The following SNCAIP variants were observed in gnomAD, a reference collection of about 807,000 sequenced individuals.
The protein encoded by SNCAIP is synuclein alpha interacting protein, also known as synphilin-1.
SNCAIP carries 43 observed loss-of-function variants against 86.7 expected under a neutral mutation model. The observed-to-expected ratio is 0.50, with a 90% CI of 0.39 to 0.64. The LOEUF is 0.64. Among genes scored for constraint, SNCAIP ranks in the 30% least tolerant of loss-of-function variants. The pLI, the probability that SNCAIP is intolerant of heterozygous loss-of-function variation, is 0.00. For synonymous variants in SNCAIP, 417 were observed against 427.2 expected, an observed-to-expected ratio of 0.98 and a Z score of 0.29; for missense variants, 981 against 1,103.1, an observed-to-expected ratio of 0.89 and a Z score of 1.57.
intron 10 of SNCAIP, among the ~76,000 whole-genome samples, chr5:122,462,858 G>A (rs1305965080): frequency 6.6e-6 from 1 of 152,176 alleles, no homozygotes; most frequent in Admixed American, 6.5e-5. Flanking sequence ...TCATGAAAAT[G>A]ATTGCACCTA....
intron 1 of SNCAIP, among the ~76,000 whole-genome samples, chr5:122,373,155 G>T (rs1764597443): frequency 6.6e-6 from 1 of 152,046 alleles, no homozygotes; most frequent in Admixed American, 6.6e-5. Context: ...CACAGTTTTT[G>T]AAAACTGTAT....
chr5:122,346,689 C>T (rs1477169166), intron 1 of SNCAIP, among the ~76,000 whole-genome samples: 1 of 151,722 alleles, frequency 6.6e-6, no homozygotes, highest in Non-Finnish European at 1.5e-5. Flanking sequence ...TCGGTAGACA[C>T]TTAGTATATA....
intron 1 of SNCAIP, among the ~76,000 whole-genome samples, chr5:122,374,839 T>G (rs1315110314): frequency 6.6e-6 from 1 of 152,150 alleles, no homozygotes; most frequent in Non-Finnish European, 1.5e-5. Context: ...AGATAATACT[T>G]CCTAGCTGAA....
chr5:122,312,354 A>T (rs891158341), intron 1 of SNCAIP, 70 bp downstream of exon 1: 2 of 152,230 alleles, frequency 1.3e-5, no homozygotes, highest in Middle Eastern at 3.2e-3. Context: ...AGCCTTTCCA[A>T]GTTTGCACCA....
At chr5:122,376,753 G>C (rs1765404618) in intron 1 of SNCAIP, among the ~76,000 whole-genome samples, 1 of 152,124 alleles carries the variant, frequency 6.6e-6, no homozygotes, top group Non-Finnish European at 1.5e-5. Context: ...GTGGGATTAT[G>C]ATGACAGATG....
intron 1 of SNCAIP, among the ~76,000 whole-genome samples, chr5:122,359,349 T>TTTTATTTATTTA (rs10528513): frequency 0.26 from 37,536 of 141,888 alleles, 5,249 homozygotes; most frequent in Admixed American, 0.31. Context: ...AGATTTTTAT[T>TTTTATTTATTTA]TTTATTTATT....
chr5:122,413,296 G>C (rs1774534345), intron 3 of SNCAIP, among the ~76,000 whole-genome samples: 1 of 152,180 alleles, frequency 6.6e-6, no homozygotes, highest in Non-Finnish European at 1.5e-5. Flanking sequence ...AACAGCTACA[G>C]AACCTGCCAG....
At chr5:122,375,725 A>G (rs1200641150) in intron 1 of SNCAIP, among the ~76,000 whole-genome samples, 4 of 151,992 alleles carry the variant, frequency 2.6e-5, no homozygotes, top group Non-Finnish European at 5.9e-5. Context: ...TATCTCTTGT[A>G]TAGCACAACA....
intron 2 of SNCAIP, among the ~76,000 whole-genome samples, chr5:122,401,706 G>T (rs1480737529): frequency 2.0e-5 from 3 of 152,186 alleles, no homozygotes; most frequent in Non-Finnish European, 4.4e-5. Context: ...GAGAGGCAAA[G>T]TGCCACAAGT....
At chr5:122,441,119 C>G (rs1264592053) in intron 7 of SNCAIP, 8 of 237,586 alleles carry the variant, frequency 3.4e-5, no homozygotes, top group Non-Finnish European at 6.7e-5. Flanking sequence ...CTGCTCTTCC[C>G]CTAACTAGTA....
In SNCAIP at chr5:122,403,860, G is replaced by A. The variant is rs367743922; in HGVS notation, c.125G>A (p.Arg42Lys). ...AGATGTGATACGCAAAACGAAGACA[G>A]ATCAGGTAGGTTTTGCTCCTCCCCT... ...CRRCDTQNED[R>K]SVSSSSWNCG... The change falls in exon 3 of 11, where the codon AGA becomes AAA. Residue 42 changes from arginine (R) to lysine (K), a missense_variant. Arg to Lys is a conservative substitution (Grantham distance 26, BLOSUM62 2). Transcript: ENST00000261368. The A allele has an allele frequency of 6.2e-7, 1 of 1,613,108 alleles. No homozygotes were observed. Among genetic ancestry groups the A allele is most frequent in the African/African-American group, 1.3e-5 (1 of 74,994 alleles).
In SNCAIP at chr5:122,378,322, G is replaced by T. The variant is rs977550242; in HGVS notation, c.-46-12767G>T. ...TGAGCATTTTTTCATGTGTTTTTTGGCTGCATAAATGTCTTCTTTTGAGAA... is the reference window on the plus strand; with the variant it reads ...TGAGCATTTTTTCATGTGTTTTTTGTCTGCATAAATGTCTTCTTTTGAGAA... On this transcript the variant is annotated intron_variant, in intron 1 of 10. Transcript: ENST00000261368. Among the ~76,000 whole-genome samples, 29 of 137,184 alleles carry T rather than the reference G, an allele frequency of 2.1e-4. 4 individuals carry two copies. The highest frequency in any genetic ancestry group is 8.1e-4 in the African/African-American group (29 of 35,996). The allele number at this position is 137,184 out of a possible 152,430, so 90.0% of individuals were successfully genotyped here. A position where few individuals can be genotyped will look rare whatever the true frequency, so the allele number is the denominator to read the frequency against.
intron 1 of SNCAIP, among the ~76,000 whole-genome samples, chr5:122,337,570 G>A (rs778827638): frequency 4.6e-5 from 7 of 151,980 alleles, no homozygotes; most frequent in South Asian, 4.2e-4. Context: ...GTGGAGTCTC[G>A]CCCTGTCACC....
At chr5:122,438,450 G>T (rs1780032210) in intron 6 of SNCAIP, among the ~76,000 whole-genome samples, 1 of 152,138 alleles carries the variant, frequency 6.6e-6, no homozygotes, top group South Asian at 2.1e-4. Context: ...TCCAGGATGG[G>T]CTCCAGCCAC....
At chr5:122,454,148 A>G (rs1181925123) in intron 10 of SNCAIP, among the ~76,000 whole-genome samples, 5 of 152,206 alleles carry the variant, frequency 3.3e-5, no homozygotes, top group Admixed American at 6.5e-5. Context: ...CAAAGCATGC[A>G]TGTGGGTAGG....
In SNCAIP at chr5:122,425,378, C is replaced by T. The variant is rs1232787396; in HGVS notation, c.1029C>T (p.Asp343=). ...LLPHLAADNL[D]KIHDENGNNL... ...CACACCTAGCTGCAGACAATCTAGACAAAATTCACGACGAAAATGGAAACA... is the reference window on the plus strand; with the variant it reads ...CACACCTAGCTGCAGACAATCTAGATAAAATTCACGACGAAAATGGAAACA... Residue 343 remains aspartate (D), a synonymous_variant, in exon 5 of 11, where the codon GAC becomes GAT. Transcript: ENST00000261368. 3 of 1,613,864 alleles carry T rather than the reference C, an allele frequency of 1.9e-6. No homozygotes were observed. Among genetic ancestry groups the T allele is most frequent in the Non-Finnish European group, 2.5e-6 (3 of 1,179,898 alleles).
intron 10 of SNCAIP, among the ~76,000 whole-genome samples, chr5:122,461,219 G>T (rs1343407387): frequency 6.6e-6 from 1 of 152,116 alleles, no homozygotes; most frequent in South Asian, 2.1e-4. Context: ...CTGTTGAGAA[G>T]CCCTATTCTT....
intron 2 of SNCAIP, among the ~76,000 whole-genome samples, chr5:122,392,056 T>C (rs113769061): frequency 1.7e-4 from 26 of 152,308 alleles, no homozygotes; most frequent in Middle Eastern, 3.4e-3. Context: ...GGCCTGGAGC[T>C]ATGGGTCACC....
At chr5:122,359,539 A>G (rs1415707721) in intron 1 of SNCAIP, among the ~76,000 whole-genome samples, 1 of 151,568 alleles carries the variant, frequency 6.6e-6, no homozygotes, top group Non-Finnish European at 1.5e-5. Flanking sequence ...AATTTTTTGT[A>G]TTTTTAGTAG....
Sources: allele counts gnomAD v4.1 joint callset (sites outside exome capture counted in the v4.1 genomes callset), GRCh38; gene constraint gnomAD v4.1.1; transcripts MANE v1.5; gene names NCBI Gene and HGNC (gene_info 2026-07-23, HGNC 2026-07-21).